Variants in FARSB observed in about 807,000 individuals in gnomAD.
FARSB encodes phenylalanine--tRNA ligase beta subunit.
A neutral mutation model predicts 69.6 loss-of-function variants in FARSB; 40 were observed. The observed-to-expected ratio is 0.57, with a 90% confidence interval of 0.45 to 0.75. The LOEUF (loss-of-function observed/expected upper bound fraction) is 0.75. FARSB is among the 30% of genes least tolerant of loss of function. The pLI, the probability that FARSB is intolerant of heterozygous loss-of-function variation, is 0.00. For missense variants in FARSB, 632 were observed against 722.9 expected (o/e 0.87, Z 1.44); for synonymous variants, 235 against 247.2 (o/e 0.95, Z 0.46).
intron 16 of FARSB, among the ~76,000 whole-genome samples, chr2:222,599,399 A>G (rs1424120990): frequency 6.6e-6 from 1 of 152,212 alleles, no homozygotes; most frequent in African/African-American, 2.4e-5. Context: ...CTCTCCAACA[A>G]AGATTTTACT....
chr2:222,573,865 G>C (rs1305269348), intron 16 of FARSB, among the ~76,000 whole-genome samples: 2 of 152,152 alleles, frequency 1.3e-5, no homozygotes, highest in Non-Finnish European at 2.9e-5. Flanking sequence ...TGTTACCTGG[G>C]TATATTGTGT....
intron 2 of FARSB, among the ~76,000 whole-genome samples, chr2:222,646,644 AG>A (rs1439320828): frequency 6.6e-6 from 1 of 152,202 alleles, no homozygotes; most frequent in Non-Finnish European, 1.5e-5. Context: ...TTTAATGAGG[AG>A]GTATAATCTG....
chr2:222,621,335 C>A (rs1207433498), intron 13 of FARSB, among the ~76,000 whole-genome samples: 1 of 152,172 alleles, frequency 6.6e-6, no homozygotes. Flanking sequence ...GTCGCCCACA[C>A]TGGAGTTCAG....
In FARSB at chr2:222,613,880, TTGC is replaced by T. The variant is rs1690925151; in HGVS notation, c.1390_1392del (p.Ala464del). ...TTCAGTGGAAGGGGCATCTTACGAT[TTGC>T]TGCTATGGTCTTCAGGAGGCCAGGA... On this transcript the variant is annotated inframe_deletion, in exon 15 of 17. Transcript: ENST00000281828. 6.2e-7 allele frequency: 1 copy of T among 1,613,920 alleles called. No individual in the cohort carries two copies. The highest frequency in any genetic ancestry group is 1.1e-5 in the South Asian group (1 of 91,088).
chr2:222,611,469 C>G (rs1003133560), intron 15 of FARSB, among the ~76,000 whole-genome samples: 6 of 151,608 alleles, frequency 4.0e-5, no homozygotes, highest in Non-Finnish European at 5.9e-5. Flanking sequence ...GTGGGGGAGA[C>G]AGGGTCTTAC....
At chr2:222,607,604 C>A (rs1255634789) in intron 15 of FARSB, among the ~76,000 whole-genome samples, 1 of 150,852 alleles carries the variant, frequency 6.6e-6, no homozygotes. Context: ...CAGAAAAGGG[C>A]CGGCAACTAA....
intron 9 of FARSB, 136 bp from the exon 10 acceptor site, chr2:222,629,024 T>C (rs943599764): frequency 2.6e-5 from 17 of 649,602 alleles, no homozygotes; most frequent in Non-Finnish European, 4.3e-5. Flanking sequence ...ATTCCAGCAC[T>C]GTTTGGATTG....
chr2:222,640,807 C>T lies in FARSB; in HGVS notation c.339+55G>A, dbSNP rs547846840. The T allele has an allele frequency of 1.8e-5, 16 of 870,236 alleles. No individual in the cohort carries two copies. In the African/African-American group the frequency reaches 2.8e-4, roughly 15 times the overall value. 53.9% of individuals were successfully genotyped at this position (870,236 alleles called of 1,614,324 possible). A position where few individuals can be genotyped will look rare whatever the true frequency, so the allele number is the denominator to read the frequency against. Reference sequence around the variant, plus strand: ...GTTTCTCTTTCCTCCCCACTTTATACAGACATGTACAAAAGAAAATTTTTA... The same window carrying T: ...GTTTCTCTTTCCTCCCCACTTTATATAGACATGTACAAAAGAAAATTTTTA... On this transcript the variant is annotated intron_variant, in intron 4 of 16. Transcript: ENST00000281828.
At chr2:222,622,921 G>A (rs1449732078) in intron 13 of FARSB, among the ~76,000 whole-genome samples, 1 of 152,178 alleles carries the variant, frequency 6.6e-6, no homozygotes, top group Admixed American at 6.5e-5. Flanking sequence ...AAGCAAACTA[G>A]AAGTAGAGTC....
chr2:222,584,825 G>A (rs978409466), intron 16 of FARSB, among the ~76,000 whole-genome samples: 4 of 152,248 alleles, frequency 2.6e-5, no homozygotes, highest in Non-Finnish European at 5.9e-5. Flanking sequence ...GCTTGAGTAG[G>A]TAAACAAAGC....
intron 1 of FARSB, 69 bp from the exon 2 acceptor site, chr2:222,648,864 G>T: frequency 1.0e-6 from 1 of 995,986 alleles, no homozygotes; most frequent in Non-Finnish European, 1.6e-6. Context: ...CATACAAACT[G>T]CATTTTCTTA....
Position 222,617,825 on chromosome 2 carries a change from G to A in FARSB, c.1344+1820C>T, listed in dbSNP as rs1691036254. Among the ~76,000 whole-genome samples, 5 of 152,236 alleles carry A rather than the reference G, an allele frequency of 3.3e-5. No homozygotes were observed. The South Asian group carries it at 1.0e-3, about 32-fold the overall frequency. On this transcript the variant is annotated intron_variant, in intron 14 of 16. Transcript: ENST00000281828. ...TTGAACCCAAGAGGCGGAGGTTGCAGTGAGCCAAGATCAGGACACTGCACT... is the reference window on the plus strand; with the variant it reads ...TTGAACCCAAGAGGCGGAGGTTGCAATGAGCCAAGATCAGGACACTGCACT...
At chr2:222,618,724 G>T (rs1179672571) in intron 14 of FARSB, among the ~76,000 whole-genome samples, 2 of 152,024 alleles carry the variant, frequency 1.3e-5, no homozygotes, top group African/African-American at 4.8e-5. Flanking sequence ...AATAAACTTA[G>T]ACAATTACAA....
intron 5 of FARSB, among the ~76,000 whole-genome samples, chr2:222,638,088 C>T (rs753449141): frequency 6.6e-6 from 1 of 152,114 alleles, no homozygotes; most frequent in African/African-American, 2.4e-5. Flanking sequence ...GGTGACATCA[C>T]TACAGATACC....
intron 15 of FARSB, among the ~76,000 whole-genome samples, chr2:222,602,574 CTT>C (rs936199138): frequency 7.2e-6 from 1 of 138,632 alleles, no homozygotes; most frequent in African/African-American, 2.6e-5. Context: ...GGTGGCTTTT[CTT>C]TTTTTTTTTA....
At chr2:222,575,562 CT>C (rs1352026949) in intron 16 of FARSB, among the ~76,000 whole-genome samples, 3 of 152,246 alleles carry the variant, frequency 2.0e-5, no homozygotes, top group Non-Finnish European at 4.4e-5. Context: ...TCCGAGCCCG[CT>C]TTTCTACCTA....
intron 9 of FARSB, among the ~76,000 whole-genome samples, chr2:222,629,477 C>T (rs1691363400): frequency 6.6e-6 from 1 of 152,148 alleles, no homozygotes; most frequent in South Asian, 2.1e-4. Context: ...CTCTGTTTAG[C>T]TGCTCTTTTG....
chr2:222,634,615 A>G (rs1438950020), intron 5 of FARSB, 74 bp from the exon 6 acceptor site: 10 of 1,209,694 alleles, frequency 8.3e-6, no homozygotes, highest in Admixed American at 5.0e-5. Context: ...TGAATATTCT[A>G]AAGCCGAAAT....
chr2:222,621,163 C>T (rs1161068579), intron 13 of FARSB, among the ~76,000 whole-genome samples: 1 of 152,222 alleles, frequency 6.6e-6, no homozygotes, highest in Non-Finnish European at 1.5e-5. Flanking sequence ...ACTCTGCAGA[C>T]ACATGGCAAC....
Sources: gnomAD v4.1 joint callset for allele counts (sites outside exome capture counted in the v4.1 genomes callset) on GRCh38, gnomAD v4.1.1 for gene constraint, MANE v1.5 for transcripts, NCBI Gene and HGNC (gene_info 2026-07-23, HGNC 2026-07-21) for gene names.